GLDN: variants seen among roughly 807,000 people sequenced by gnomAD.
GLDN encodes collomin.
In GLDN, 47 loss-of-function variants were observed where a neutral mutation model predicts 56.5. The ratio of observed to expected loss-of-function variants is 0.83; its 90% confidence interval spans 0.66 to 1.06. The LOEUF is 1.06. Among genes scored for constraint, GLDN ranks in the 50% least tolerant of loss-of-function variants. The pLI is 0.00. For synonymous variants in GLDN, 332 were observed against 278.8 expected (o/e 1.19, Z -1.90); for missense variants, 782 against 714.3 (o/e 1.09, Z -1.08).
At position 51,394,771 on chromosome 15, in the gene GLDN, T is replaced by C. The variant is rs1845491175; in HGVS notation, c.542-64T>C. 5.1e-6 allele frequency: 8 copies of C among 1,562,088 alleles called. No individual in the cohort carries two copies. In the Admixed American group the frequency reaches 1.4e-4, roughly 26 times the overall value. On this transcript the variant is annotated intron_variant, in intron 4 of 9. Transcript: ENST00000335449. ...CCCTGGAAAGCACAAAGCACAGTAA[T>C]ATAAAGTGGTGTGCCAGAACTTTTT...
At chr15:51,368,190 G>A (rs1287040333) in intron 1 of GLDN, among the ~76,000 whole-genome samples, 2 of 152,106 alleles carry the variant, frequency 1.3e-5, no homozygotes, top group Non-Finnish European at 2.9e-5. Context: ...TACCTACTAT[G>A]TGCTTGATGC....
rs2038319010 is a variant in GLDN at position 51,404,230 on chromosome 15, A to T, written c.1179-47A>T. On this transcript the variant is annotated intron_variant, in intron 9 of 9. Transcript: ENST00000335449. ...GAGGAGCCTAATAAACCACCTGTCC[A>T]CAGAAACGGTGATTCATGTCTACTT... 3.5e-6 allele frequency: 5 copies of T among 1,429,920 alleles called. No homozygotes were observed. The East Asian group carries it at 1.1e-4, about 32-fold the overall frequency. 88.6% of individuals were successfully genotyped at this position (1,429,920 alleles called of 1,614,324 possible).
At chr15:51,374,050 A>G (rs567514304) in intron 1 of GLDN, among the ~76,000 whole-genome samples, 31 of 152,338 alleles carry the variant, frequency 2.0e-4, no homozygotes, top group African/African-American at 7.5e-4. Flanking sequence ...AATTTCGTTA[A>G]AAGACTATTC....
intron 1 of GLDN, among the ~76,000 whole-genome samples, chr15:51,362,955 AG>A (rs35151563): frequency 0.43 from 64,953 of 151,622 alleles, 14,338 homozygotes; most frequent in East Asian, 0.57. Context: ...GTGATGTGAG[AG>A]GGGAAAAAAA....
intron 1 of GLDN, among the ~76,000 whole-genome samples, chr15:51,361,887 T>C (rs562327691): frequency 5.3e-5 from 8 of 152,050 alleles, no homozygotes; most frequent in Non-Finnish European, 1.2e-4. Flanking sequence ...GCCAAGATCA[T>C]GCCACTGCAC....
chr15:51,399,781 C>T (rs2038209213), intron 6 of GLDN, among the ~76,000 whole-genome samples: 1 of 152,212 alleles, frequency 6.6e-6, no homozygotes. Flanking sequence ...CCACCAGCTT[C>T]CCTGAAAATG....
chr15:51,357,026 G>A (rs2037199497), intron 1 of GLDN, among the ~76,000 whole-genome samples: 1 of 152,188 alleles, frequency 6.6e-6, no homozygotes, highest in African/African-American at 2.4e-5. Context: ...TTCCAGATAG[G>A]TGTTTTGATA....
chr15:51,370,552 G>A (rs1595816125), intron 1 of GLDN, among the ~76,000 whole-genome samples: 3 of 152,162 alleles, frequency 2.0e-5, no homozygotes, highest in South Asian at 4.2e-4. Flanking sequence ...AGTGATGGGG[G>A]TAATCGTGAG....
chr15:51,389,206 C>G (rs1354761245), intron 4 of GLDN, among the ~76,000 whole-genome samples: 1 of 152,174 alleles, frequency 6.6e-6, no homozygotes, highest in Non-Finnish European at 1.5e-5. Context: ...TTAAATACTC[C>G]ACTATAGTGT....
At position 51,404,444 on chromosome 15, in the gene GLDN, T is replaced by G; in HGVS notation, c.1346T>G (p.Val449Gly). The change falls in exon 10 of 10, where the codon GTA (valine) becomes GGA (glycine). Residue 449 changes from valine to glycine, a missense_variant. Physicochemically the swap from Val to Gly is moderately radical, Grantham distance 109 (BLOSUM62 -3). Transcript: ENST00000335449. ...AGTGTGGACGGCTCGAGCATTCTTG[T>G]AGCACAACTGGATGAGAGGACATTC... ...ASSVDGSSIL[V>G]AQLDERTFSV... The G allele has an allele frequency of 6.2e-7, 1 of 1,614,174 alleles. No homozygotes were observed. The highest frequency in any genetic ancestry group is 8.5e-7 in the Non-Finnish European group (1 of 1,180,020).
At chr15:51,386,741 G>A (rs946842066) in intron 4 of GLDN, among the ~76,000 whole-genome samples, 5 of 152,316 alleles carry the variant, frequency 3.3e-5, no homozygotes, top group South Asian at 2.1e-4. Flanking sequence ...ATATTTAGGG[G>A]TGAAGCCAGC....
intron 1 of GLDN, among the ~76,000 whole-genome samples, chr15:51,345,816 A>T (rs1233620074): frequency 6.6e-6 from 1 of 152,236 alleles, no homozygotes; most frequent in Non-Finnish European, 1.5e-5. Context: ...CTATATTCAG[A>T]TCATACGATT....
Position 51,377,467 on chromosome 15 carries a change from C to G in GLDN, c.382C>G (p.Leu128Val). 6.2e-7 allele frequency: 1 copy of G among 1,614,078 alleles called. No homozygotes were observed. Among genetic ancestry groups the G allele is most frequent in the South Asian group, 1.1e-5 (1 of 91,074 alleles). The change falls in exon 2 of 10, where the codon CTG becomes GTG. Residue 128 changes from leucine (L) to valine (V), a missense_variant. By Grantham distance (32) the Leu-to-Val change is conservative. Coordinates refer to ENST00000335449, the MANE Select transcript of GLDN (RefSeq NM_181789.4). The part of the protein sequence containing the change: ...SMVPIRVMVD[L>V]CNSTKGICLT... The stretch of plus-strand genomic sequence containing the variant: ...CCTGCAGATCCGAGTGATGGTGGAC[C>G]TGTGCAACAGCACCAAGGGCATCTG...
At chr15:51,391,198 G>T (rs2038011291) in intron 4 of GLDN, among the ~76,000 whole-genome samples, 1 of 152,042 alleles carries the variant, frequency 6.6e-6, no homozygotes, top group Non-Finnish European at 1.5e-5. Flanking sequence ...CTCAAGCAAA[G>T]GCCTTGAATA....
chr15:51,358,098 G>C (rs1426294254), intron 1 of GLDN, among the ~76,000 whole-genome samples: 4 of 152,094 alleles, frequency 2.6e-5, no homozygotes, highest in Non-Finnish European at 5.9e-5. Context: ...TTCCCATCTG[G>C]GATCAGCGAT....
intron 4 of GLDN, among the ~76,000 whole-genome samples, chr15:51,389,633 G>A (rs1025282654): frequency 1.3e-5 from 2 of 152,204 alleles, no homozygotes; most frequent in South Asian, 4.1e-4. Flanking sequence ...TTGGAGATAA[G>A]TAGAGGAGCG....
At chr15:51,377,525 G>T (rs567268544) in intron 2 of GLDN, 25 bp downstream of exon 2, 1 of 1,605,058 alleles carries the variant, frequency 6.2e-7, no homozygotes, top group Non-Finnish European at 8.5e-7. Flanking sequence ...GAGCAGAGCC[G>T]CTCACACAAC....
intron 5 of GLDN, among the ~76,000 whole-genome samples, chr15:51,396,877 A>G (rs2038140582): frequency 6.6e-6 from 1 of 152,250 alleles, no homozygotes; most frequent in Non-Finnish European, 1.5e-5. Flanking sequence ...TATGCAAAAC[A>G]TGTATAATTT....
chr15:51,382,840 T>A (rs932840459), intron 2 of GLDN, among the ~76,000 whole-genome samples: 1 of 152,138 alleles, frequency 6.6e-6, no homozygotes, highest in African/African-American at 2.4e-5. Flanking sequence ...ACACCCCTAT[T>A]TGTGGGAGCA....
Sources: allele counts gnomAD v4.1 joint callset (sites outside exome capture counted in the v4.1 genomes callset), GRCh38; gene constraint gnomAD v4.1.1; transcripts MANE v1.5; gene names NCBI Gene and HGNC (gene_info 2026-07-23, HGNC 2026-07-21).